Variants in SSBP3 observed in about 807,000 individuals in gnomAD.
The protein encoded by SSBP3 is single stranded DNA binding protein 3.
In SSBP3, 5 loss-of-function variants were observed where a neutral mutation model predicts 69.6. That is an observed-to-expected ratio of 0.07 (90% CI 0.04 to 0.15). The LOEUF is 0.15. SSBP3 is among the 10% of genes least tolerant of loss of function. The pLI, the probability that SSBP3 is intolerant of heterozygous loss-of-function variation, is 1.00. For synonymous variants in SSBP3, 196 were observed against 193.4 expected, an observed-to-expected ratio of 1.01 and a Z score of -0.11; for missense variants, 312 against 534.0, an observed-to-expected ratio of 0.58 and a Z score of 4.10.
chr1:54,379,124 A>T (rs999354348), intron 4 of SSBP3, among the ~76,000 whole-genome samples: 11 of 152,200 alleles, frequency 7.2e-5, no homozygotes, highest in Admixed American at 7.2e-4. Context: ...GAGACAAAGA[A>T]TTATTTATTT....
chr1:54,383,035 AGAAAGAAAGAGAAGGAAGGAAG>A (rs1275086688), intron 4 of SSBP3, among the ~76,000 whole-genome samples: 1 of 150,414 alleles, frequency 6.6e-6, no homozygotes, highest in Non-Finnish European at 1.5e-5. Flanking sequence ...AAGAAAAGAA[AGAAAGAAAGAGAAGGAAGGAAG>A]GAAAGAAAGA....
intron 4 of SSBP3, among the ~76,000 whole-genome samples, chr1:54,355,321 C>T (rs776976757): frequency 2.6e-5 from 4 of 152,150 alleles, no homozygotes; most frequent in Non-Finnish European, 5.9e-5. Flanking sequence ...CAACCACAGA[C>T]ATTACAGGGA....
intron 4 of SSBP3, among the ~76,000 whole-genome samples, chr1:54,295,049 G>T (rs1009809867): frequency 2.6e-5 from 4 of 152,142 alleles, no homozygotes; most frequent in Non-Finnish European, 5.9e-5. Context: ...ACAAACCACA[G>T]AGCAAGCCCT....
At chr1:54,355,774 G>C (rs1472249696) in intron 4 of SSBP3, among the ~76,000 whole-genome samples, 1 of 152,182 alleles carries the variant, frequency 6.6e-6, no homozygotes, top group African/African-American at 2.4e-5. Flanking sequence ...GGTGTTTCAA[G>C]AAGGCGGCTA....
At position 54,251,863 on chromosome 1, in the gene SSBP3, GAA is replaced by G; in HGVS notation, c.508-5_508-4del. 6.2e-7 allele frequency: 1 copy of G among 1,611,244 alleles called. No homozygotes were observed. The highest frequency in any genetic ancestry group is 8.5e-7 in the Non-Finnish European group (1 of 1,179,522). On this transcript the variant is annotated splice_polypyrimidine_tract_variant and splice_region_variant and intron_variant, in intron 7 of 17. Transcript: ENST00000610401. ...GTCCCAGGAACTCCTCCCGGAGGCT[GAA>G]AGAGATGCAAGACACAAGCTGAGGA...
chr1:54,361,633 G>A (rs1646954079), intron 4 of SSBP3, among the ~76,000 whole-genome samples: 1 of 152,104 alleles, frequency 6.6e-6, no homozygotes, highest in Non-Finnish European at 1.5e-5. Context: ...CTCGCAGAAC[G>A]TGGGATATCC....
chr1:54,379,186 C>A (rs1384182278), intron 4 of SSBP3, among the ~76,000 whole-genome samples: 7 of 152,248 alleles, frequency 4.6e-5, no homozygotes, highest in Non-Finnish European at 8.8e-5. Context: ...ATGACACTTG[C>A]TACGCAGGAG....
At chr1:54,246,504 G>C (rs555858468) in intron 9 of SSBP3, among the ~76,000 whole-genome samples, 1 of 152,046 alleles carries the variant, frequency 6.6e-6, no homozygotes. Context: ...AGCACGGAGT[G>C]GGGTGAGAGG....
At chr1:54,390,079 A>T (rs1183237253) in intron 4 of SSBP3, among the ~76,000 whole-genome samples, 1 of 152,140 alleles carries the variant, frequency 6.6e-6, no homozygotes, top group Non-Finnish European at 1.5e-5. Flanking sequence ...GTTAGCACTC[A>T]ATAATTGTTT....
upstream of SSBP3, among the ~76,000 whole-genome samples, chr1:54,410,604 G>A (rs1649963310): frequency 1.3e-5 from 2 of 152,212 alleles, no homozygotes; most frequent in African/African-American, 4.8e-5. Context: ...GTCAGCTCTG[G>A]TTTTAGCAGA....
At chr1:54,368,821 C>A (rs547211775) in intron 4 of SSBP3, among the ~76,000 whole-genome samples, 2 of 152,260 alleles carry the variant, frequency 1.3e-5, no homozygotes, top group East Asian at 1.9e-4. Flanking sequence ...GGCCTGGGGG[C>A]CCCCGTGGCT....
chr1:54,363,067 T>C (rs758155008), intron 4 of SSBP3, among the ~76,000 whole-genome samples: 11 of 152,080 alleles, frequency 7.2e-5, no homozygotes, highest in South Asian at 6.2e-4. Flanking sequence ...TCAGTGTGGA[T>C]AGAATGCTGT....
In SSBP3 at chr1:54,260,257, C is replaced by T. The variant is rs572491594; in HGVS notation, c.367-2108G>A. Among the ~76,000 whole-genome samples, 11 of 152,322 alleles carry T rather than the reference C, an allele frequency of 7.2e-5. No homozygotes were observed. The South Asian group carries it at 1.9e-3, about 26-fold the overall frequency. ...GTAAGGTCCAGTTGCCAAGAGGGGGCAAAAGGCCTTCTGTTGGTTCCTCGG... is the reference window on the plus strand; with the variant it reads ...GTAAGGTCCAGTTGCCAAGAGGGGGTAAAAGGCCTTCTGTTGGTTCCTCGG... On this transcript the variant is annotated intron_variant, in intron 5 of 17. Transcript: ENST00000610401.
chr1:54,235,882 T>C (rs532781963), intron 14 of SSBP3, among the ~76,000 whole-genome samples: 1 of 152,350 alleles, frequency 6.6e-6, no homozygotes, highest in Non-Finnish European at 1.5e-5. Flanking sequence ...TGTTATAGTT[T>C]TAATGAAGAA....
intron 4 of SSBP3, among the ~76,000 whole-genome samples, chr1:54,390,797 A>G (rs925755273): frequency 4.6e-5 from 7 of 152,250 alleles, no homozygotes; most frequent in Non-Finnish European, 8.8e-5. Flanking sequence ...CGCCCGTAAC[A>G]CAAGCGGGCT....
chr1:54,382,271 C>T (rs988179580), intron 4 of SSBP3, among the ~76,000 whole-genome samples: 5 of 152,174 alleles, frequency 3.3e-5, no homozygotes, highest in African/African-American at 9.7e-5. Flanking sequence ...GACAGGGTCT[C>T]ACTATGTTGC....
intron 4 of SSBP3, among the ~76,000 whole-genome samples, chr1:54,389,979 A>C (rs918670533): frequency 6.6e-6 from 1 of 152,150 alleles, no homozygotes; most frequent in Non-Finnish European, 1.5e-5. Flanking sequence ...CTTCTCTACA[A>C]AATAGGAATA....
chr1:54,262,924 T>C (rs1450337417), intron 5 of SSBP3, among the ~76,000 whole-genome samples: 1 of 152,230 alleles, frequency 6.6e-6, no homozygotes, highest in African/African-American at 2.4e-5. Context: ...CCAGCTGCCC[T>C]GGACCCTGTT....
chr1:54,337,657 G>A (rs936374466), intron 4 of SSBP3, among the ~76,000 whole-genome samples: 61 of 151,578 alleles, frequency 4.0e-4, no homozygotes, highest in African/African-American at 1.5e-3. Flanking sequence ...CACCACACCC[G>A]ACTAATTTTT....
Sources: allele counts gnomAD v4.1 joint callset (sites outside exome capture counted in the v4.1 genomes callset), GRCh38; gene constraint gnomAD v4.1.1; transcripts MANE v1.5; gene names NCBI Gene and HGNC (gene_info 2026-07-23, HGNC 2026-07-21).